The following CLVS1 variants were observed in gnomAD, a reference collection of about 807,000 sequenced individuals.
The protein encoded by CLVS1 is clavesin 1.
Under a neutral mutation model 33.1 loss-of-function variants are expected in CLVS1, and 10 were observed. The ratio of observed to expected loss-of-function variants is 0.30; its 90% CI spans 0.19 to 0.51. The LOEUF is 0.51. Among genes scored for constraint, CLVS1 ranks in the 20% least tolerant of loss-of-function variants. The probability of loss-of-function intolerance (pLI) is 0.97; values close to 1 mark genes in which losing one functional copy is unlikely to be tolerated. For synonymous variants in CLVS1, 163 were observed against 166.1 expected (o/e 0.98, Z 0.14); for missense variants, 343 against 433.4 (o/e 0.79, Z 1.85).
intron 3 of CLVS1, among the ~76,000 whole-genome samples, chr8:61,449,112 T>C (rs974215557): frequency 6.6e-6 from 1 of 152,050 alleles, no homozygotes; most frequent in Non-Finnish European, 1.5e-5. Context: ...GAGGTAGAAG[T>C]CCATGTTCCT....
At chr8:61,092,548 T>C (rs1805269216) in intron 1 of CLVS1, among the ~76,000 whole-genome samples, 1 of 152,222 alleles carries the variant, frequency 6.6e-6, no homozygotes, top group Non-Finnish European at 1.5e-5. Context: ...TTCCTTCTTC[T>C]CTGGAAGCTT....
At chr8:61,236,976 T>A (rs1808576935) in intron 2 of CLVS1, among the ~76,000 whole-genome samples, 1 of 152,176 alleles carries the variant, frequency 6.6e-6, no homozygotes, top group Non-Finnish European at 1.5e-5. Flanking sequence ...GTTGTGTTAT[T>A]AATATGGCTT....
chr8:61,232,028 T>TTTG (rs1554548353), intron 2 of CLVS1, among the ~76,000 whole-genome samples: 1 of 114,794 alleles, frequency 8.7e-6, no homozygotes, highest in African/African-American at 4.0e-5. Flanking sequence ...TTGTGGTTTT[T>TTTG]TTTTTTTTTT....
chr8:61,034,368 TC>T, the CLVS1 span, among the ~76,000 whole-genome samples: 15,364 of 108,846 alleles, frequency 0.14, 874 homozygotes, highest in South Asian at 0.22. Context: ...CAAATACTTA[TC>T]ATTTTTTTTT....
chr8:61,458,608 A>G (rs535406623), intron 5 of CLVS1, 66 bp downstream of exon 5: 235 of 1,041,026 alleles, frequency 2.3e-4, no homozygotes, highest in Non-Finnish European at 2.9e-4. Flanking sequence ...ATTTGGACCT[A>G]TTGTGAATTA....
At chr8:61,422,826 G>T (rs1054159570) in intron 3 of CLVS1, among the ~76,000 whole-genome samples, 2 of 152,190 alleles carry the variant, frequency 1.3e-5, no homozygotes, top group Non-Finnish European at 2.9e-5. Flanking sequence ...AACCGAAAGA[G>T]TAAAAGCAGA....
At chr8:61,079,498 C>T (rs552585278) in intron 1 of CLVS1, among the ~76,000 whole-genome samples, 1 of 152,304 alleles carries the variant, frequency 6.6e-6, no homozygotes, top group South Asian at 2.1e-4. Flanking sequence ...CTTGGGTCTC[C>T]TGTGCCTCAT....
chr8:61,088,283 G>T (rs1265050090), intron 1 of CLVS1, among the ~76,000 whole-genome samples: 3 of 152,142 alleles, frequency 2.0e-5, no homozygotes, highest in Non-Finnish European at 2.9e-5. Flanking sequence ...GAGGTCAGGA[G>T]TTCGAGACCA....
intron 1 of CLVS1, among the ~76,000 whole-genome samples, chr8:61,081,900 C>T (rs1265762166): frequency 1.3e-5 from 2 of 152,188 alleles, no homozygotes; most frequent in Non-Finnish European, 2.9e-5. Context: ...CAGTACATCC[C>T]ATTCAGCTTT....
intron 1 of CLVS1, among the ~76,000 whole-genome samples, chr8:61,129,451 T>C (rs1266573210): frequency 6.6e-6 from 1 of 152,244 alleles, no homozygotes; most frequent in Non-Finnish European, 1.5e-5. Context: ...TAAATCTGTC[T>C]TTTTTCAAAA....
At chr8:60,972,215 T>C in the CLVS1 span, among the ~76,000 whole-genome samples, 1 of 152,168 alleles carries the variant, frequency 6.6e-6, no homozygotes, top group South Asian at 2.1e-4. Context: ...GGTCTCAGTG[T>C]GGTCATGAAA....
chr8:61,247,103 C>G (rs1307435473), intron 2 of CLVS1, among the ~76,000 whole-genome samples: 1 of 152,206 alleles, frequency 6.6e-6, no homozygotes, highest in Non-Finnish European at 1.5e-5. Flanking sequence ...ATGATAGCCT[C>G]TAGCTCCATC....
chr8:61,442,308 T>C (rs961188474), intron 3 of CLVS1, among the ~76,000 whole-genome samples: 23 of 152,350 alleles, frequency 1.5e-4, no homozygotes, highest in African/African-American at 4.8e-4. Context: ...CAGTGTTCCA[T>C]GGTCTGGCTG....
chr8:61,379,139 G>C (rs780968182), intron 3 of CLVS1, among the ~76,000 whole-genome samples: 7 of 152,154 alleles, frequency 4.6e-5, no homozygotes, highest in Non-Finnish European at 8.8e-5. Flanking sequence ...ACATGTGGGA[G>C]GTTGTGAGGG....
chr8:61,119,269 T>A (rs1563409819), intron 1 of CLVS1, among the ~76,000 whole-genome samples: 2 of 152,068 alleles, frequency 1.3e-5, no homozygotes, highest in African/African-American at 4.8e-5. Flanking sequence ...TGTGTGTCTC[T>A]GCACGTGAGA....
At chr8:61,360,701 G>A (rs1463485352) in intron 2 of CLVS1, among the ~76,000 whole-genome samples, 1 of 152,084 alleles carries the variant, frequency 6.6e-6, no homozygotes, top group Non-Finnish European at 1.5e-5. Flanking sequence ...CTTTGCATTA[G>A]GCATAAGAAA....
intron 2 of CLVS1, among the ~76,000 whole-genome samples, chr8:61,136,745 A>T (rs1806197752): frequency 6.6e-6 from 1 of 152,204 alleles, no homozygotes; most frequent in Non-Finnish European, 1.5e-5. Context: ...CACTAGACTT[A>T]ATACCTGGGT....
intron 1 of CLVS1, among the ~76,000 whole-genome samples, chr8:61,093,100 A>C (rs950524175): frequency 6.6e-6 from 1 of 152,194 alleles, no homozygotes; most frequent in African/African-American, 2.4e-5. Flanking sequence ...GTGTATTCTC[A>C]AAAGCTTGTT....
At chr8:60,992,088 T>C in the CLVS1 span, among the ~76,000 whole-genome samples, 1 of 152,128 alleles carries the variant, frequency 6.6e-6, no homozygotes, top group Non-Finnish European at 1.5e-5. Context: ...TGCCACTTTC[T>C]CAGAGCAGCC....
Sources: allele counts gnomAD v4.1 joint callset (sites outside exome capture counted in the v4.1 genomes callset), GRCh38; gene constraint gnomAD v4.1.1; transcripts MANE v1.5; gene names NCBI Gene and HGNC (gene_info 2026-07-23, HGNC 2026-07-21).